LIX1: variants seen among roughly 807,000 people sequenced by gnomAD.
LIX1 encodes the protein limb and CNS expressed 1.
Under a neutral mutation model 33.4 loss-of-function variants are expected in LIX1, and 24 were observed. The ratio of observed to expected loss-of-function variants is 0.72; its 90% confidence interval spans 0.52 to 1.01. The LOEUF (loss-of-function observed/expected upper bound fraction) is 1.01, where lower values mean the gene tolerates loss of function less well. Among genes scored for constraint, LIX1 ranks in the 50% least tolerant of loss-of-function variants. The pLI, the probability that LIX1 is intolerant of heterozygous loss-of-function variation, is 0.00. For missense variants in LIX1, 311 were observed against 339.2 expected (o/e 0.92, Z 0.65); for synonymous variants, 124 against 124.0 (o/e 1.00, Z 0.00).
intron 2 of LIX1, among the ~76,000 whole-genome samples, chr5:97,107,704 A>G (rs542546990): frequency 1.3e-5 from 2 of 152,302 alleles, no homozygotes; most frequent in African/African-American, 2.4e-5. Flanking sequence ...TTGATCTTCA[A>G]TTACTTATTG....
chr5:97,105,129 G>T lies in LIX1; in HGVS notation c.483+61C>A, dbSNP rs1359088192. The T allele has an allele frequency of 5.7e-6, 8 of 1,397,102 alleles. No individual in the cohort carries two copies. In the East Asian group the frequency reaches 1.6e-4, roughly 28 times the overall value. The allele number at this position is 1,397,102 out of a possible 1,614,324, so 86.5% of individuals were successfully genotyped here. A position where few individuals can be genotyped will look rare whatever the true frequency, so the allele number is the denominator to read the frequency against. On this transcript the variant is annotated intron_variant, in intron 4 of 5. Transcript: ENST00000274382. Reference sequence around the variant, plus strand: ...TCGGGAGATGTTAGTGATAAATGTTGCATTTCTCTTAGGCTTCTGGATTGG... The same window carrying T: ...TCGGGAGATGTTAGTGATAAATGTTTCATTTCTCTTAGGCTTCTGGATTGG...
chr5:97,136,379 C>T (rs1310403960), intron 1 of LIX1, among the ~76,000 whole-genome samples: 2 of 152,174 alleles, frequency 1.3e-5, no homozygotes, highest in African/African-American at 2.4e-5. Flanking sequence ...CAGTTTATTT[C>T]ATCGTAAAGG....
chr5:97,116,571 G>A (rs1033527314), intron 2 of LIX1, among the ~76,000 whole-genome samples: 6 of 152,192 alleles, frequency 3.9e-5, no homozygotes, highest in East Asian at 1.9e-4. Context: ...CCTTCTCCTC[G>A]TTTACCTCTG....
Position 97,094,736 on chromosome 5 carries a change from G to A in LIX1, c.*12C>T, listed in dbSNP as rs370694178. The A allele has an allele frequency of 4.8e-5, 77 of 1,611,336 alleles. No individual in the cohort carries two copies. In the Middle Eastern group the frequency reaches 8.6e-4, roughly 18 times the overall value. ...CTCTGCCATCACTGAGGGTACCCGG[G>A]GCTTGGCCTTGCTAGTGATAGCCAC... On this transcript the variant is annotated 3_prime_UTR_variant, in exon 6 of 6. Coordinates refer to ENST00000274382, the MANE Select transcript of LIX1 (RefSeq NM_153234.5).
intron 1 of LIX1, among the ~76,000 whole-genome samples, chr5:97,126,317 A>AAATCATTGT (rs1009265030): frequency 3.9e-5 from 6 of 152,270 alleles, no homozygotes; most frequent in African/African-American, 1.4e-4. Flanking sequence ...TCTGGAGGCA[A>AAATCATTGT]AATCATTGTA....
chr5:97,128,717 C>T (rs777663763), intron 1 of LIX1, among the ~76,000 whole-genome samples: 1 of 152,188 alleles, frequency 6.6e-6, no homozygotes, highest in Non-Finnish European at 1.5e-5. Context: ...AGAAACTGGG[C>T]ATAAACCTTA....
At chr5:97,130,517 G>A (rs933093585) in intron 1 of LIX1, among the ~76,000 whole-genome samples, 1 of 152,166 alleles carries the variant, frequency 6.6e-6, no homozygotes, top group African/African-American at 2.4e-5. Flanking sequence ...GAAAGCAGAG[G>A]GGTAGCAGTT....
chr5:97,117,863 C>T (rs1298855308), intron 2 of LIX1, among the ~76,000 whole-genome samples: 1 of 152,024 alleles, frequency 6.6e-6, no homozygotes, highest in Non-Finnish European at 1.5e-5. Flanking sequence ...CTGTGTGCCA[C>T]CCCGCATCTC....
rs1226967187 is a variant in LIX1 at position 97,096,340 on chromosome 5, C to T, written c.561+470G>A. 3.3e-5 allele frequency among the ~76,000 whole-genome samples: 5 copies of T among 152,188 alleles called. No individual in the cohort carries two copies. In the East Asian group the frequency reaches 9.6e-4, roughly 29 times the overall value. On this transcript the variant is annotated intron_variant, in intron 5 of 5. Coordinates refer to ENST00000274382, the MANE Select transcript of LIX1 (RefSeq NM_153234.5). Reference sequence around the variant, plus strand: ...AGTGATTAAATGCCGGCTTGTCAGACTTTATAATCATTTCTGTTGTTTATT... The same window carrying T: ...AGTGATTAAATGCCGGCTTGTCAGATTTTATAATCATTTCTGTTGTTTATT...
intron 4 of LIX1, among the ~76,000 whole-genome samples, chr5:97,099,695 G>A (rs1746583633): frequency 6.6e-6 from 1 of 152,112 alleles, no homozygotes; most frequent in Non-Finnish European, 1.5e-5. Flanking sequence ...AAATTAGCCA[G>A]GTGTGGTGGT....
At chr5:97,126,229 C>T (rs1259397139) in intron 1 of LIX1, among the ~76,000 whole-genome samples, 1 of 152,220 alleles carries the variant, frequency 6.6e-6, no homozygotes, top group Non-Finnish European at 1.5e-5. Context: ...TGCCATTATC[C>T]TGAATATATT....
chr5:97,113,864 T>C (rs1258560562), intron 2 of LIX1, among the ~76,000 whole-genome samples: 1 of 152,198 alleles, frequency 6.6e-6, no homozygotes, highest in African/African-American at 2.4e-5. Flanking sequence ...CATGACAAAC[T>C]TGACTTCATT....
In LIX1 at chr5:97,107,765, C is replaced by G. The variant is rs866917931; in HGVS notation, c.247-265G>C. 2.6e-5 allele frequency among the ~76,000 whole-genome samples: 4 copies of G among 152,166 alleles called. 1 individual carries two copies. Among genetic ancestry groups the G allele is most frequent in the Middle Eastern group, 3.4e-3 (1 of 294 alleles). ...TACTATATGTCAGAAGCTTTGCATA[C>G]TCTATTAATGAGTAATGATAAATTA... is the stretch of plus-strand genomic sequence containing the variant. On this transcript the variant is annotated intron_variant, in intron 2 of 5. Coordinates refer to ENST00000274382, the MANE Select transcript of LIX1 (RefSeq NM_153234.5).
At chr5:97,134,236 C>T (rs549631757) in intron 1 of LIX1, among the ~76,000 whole-genome samples, 2 of 152,360 alleles carry the variant, frequency 1.3e-5, no homozygotes, top group African/African-American at 4.8e-5. Context: ...TCTCCTGCCT[C>T]AGCTTCCTGA....
intron 1 of LIX1, among the ~76,000 whole-genome samples, chr5:97,132,210 C>T (rs1321811386): frequency 6.6e-6 from 1 of 152,102 alleles, no homozygotes; most frequent in Non-Finnish European, 1.5e-5. Flanking sequence ...ATAGAAAAAT[C>T]CAAGACGGGT....
In LIX1 at chr5:97,124,489, C is replaced by A; in HGVS notation, c.223G>T (p.Gly75Ter). 6.2e-7 allele frequency: 1 copy of A among 1,607,586 alleles called. No individual in the cohort carries two copies. The highest frequency in any genetic ancestry group is 8.5e-7 in the Non-Finnish European group (1 of 1,176,324). The part of the protein sequence containing the change: ...PFVSYVTLPG[G>*]SCFGNFQCCL... ...ACCTGAAAGTTGCCAAAACAGCTTC[C>A]CCCTGGGAGGGTCACGTAACTCACA... The change falls in exon 2 of 6, where the codon GGA becomes TGA. Residue 75 changes from glycine (G) to a stop codon, truncating the protein, a stop_gained. Transcript: ENST00000274382. LOFTEE classifies it high-confidence loss of function.
intron 1 of LIX1, among the ~76,000 whole-genome samples, chr5:97,127,972 C>T (rs568507184): frequency 3.9e-5 from 6 of 151,970 alleles, no homozygotes; most frequent in Non-Finnish European, 8.8e-5. Flanking sequence ...TTTAAAAGTT[C>T]CCTCATTATT....
At chr5:97,108,632 G>T (rs1221624254) in intron 2 of LIX1, among the ~76,000 whole-genome samples, 1 of 152,146 alleles carries the variant, frequency 6.6e-6, no homozygotes, top group Non-Finnish European at 1.5e-5. Context: ...TGTGAACCCA[G>T]GGATAAGTGT....
In LIX1 at chr5:97,124,549, C is replaced by A; in HGVS notation, c.163G>T (p.Val55Phe). Residue 55 changes from valine to phenylalanine, a missense_variant, in exon 2 of 6, where the codon GTC becomes TTC. By Grantham distance (50) the Val-to-Phe change is conservative. Transcript: ENST00000274382. Reference protein sequence around the residue: ...KAAFPSEGVVVYESLPAPGPP... With the variant: ...KAAFPSEGVVFYESLPAPGPP... ...CCAGGAGCTGGCAGTGACTCATAGA[C>A]CACCACACCTTCACTTGGGAATGCA... 1 of 1,612,538 alleles carries A rather than the reference C, an allele frequency of 6.2e-7. No individual in the cohort carries two copies. Among genetic ancestry groups the A allele is most frequent in the African/African-American group, 1.3e-5 (1 of 75,012 alleles).
Sources: gnomAD v4.1 joint callset for allele counts (sites outside exome capture counted in the v4.1 genomes callset) on GRCh38, gnomAD v4.1.1 for gene constraint, MANE v1.5 for transcripts, NCBI Gene and HGNC (gene_info 2026-07-23, HGNC 2026-07-21) for gene names.